PCDHA2: variants seen among roughly 807,000 people sequenced by gnomAD.
PCDHA2 encodes protocadherin alpha 2.
Under a neutral mutation model 66.0 loss-of-function variants are expected in PCDHA2, and 58 were observed. That is an observed-to-expected ratio of 0.88 (90% confidence interval 0.71 to 1.09). The LOEUF is 1.09. PCDHA2 is among the 50% of genes least tolerant of loss of function. The probability of loss-of-function intolerance (pLI) is 0.00; values close to 1 mark genes in which losing one functional copy is unlikely to be tolerated. For missense variants in PCDHA2, 1,267 were observed against 1,242.3 expected (o/e 1.02, Z -0.30); for synonymous variants, 634 against 554.0 (o/e 1.14, Z -2.03).
intron 1 of PCDHA2, chr5:140,875,402 C>A: frequency 6.7e-7 from 1 of 1,488,874 alleles, no homozygotes; most frequent in Admixed American, 2.6e-5. Flanking sequence ...AGGGTGACTG[C>A]TCATAAAATA....
rs1007978772 is a variant in PCDHA2 at position 140,843,987 on chromosome 5, G to C, written c.2388+46635G>C. 1.2e-4 allele frequency among the ~76,000 whole-genome samples: 18 copies of C among 149,540 alleles called. 1 individual carries two copies. Among genetic ancestry groups the C allele is most frequent in the African/African-American group, 4.2e-4 (17 of 40,920 alleles). On this transcript the variant is annotated intron_variant, in intron 1 of 3. Transcript: ENST00000526136. ...ATTTATTTTGGCCTGCCTTACAGCCGTCTTCTCTGAACAATACTCTAAGGA... is the reference window on the plus strand; with the variant it reads ...ATTTATTTTGGCCTGCCTTACAGCCCTCTTCTCTGAACAATACTCTAAGGA...
At chr5:140,892,265 T>A (rs1285445395) in intron 1 of PCDHA2, among the ~76,000 whole-genome samples, 3 of 152,240 alleles carry the variant, frequency 2.0e-5, no homozygotes, top group African/African-American at 7.2e-5. Context: ...GATTTTGTGC[T>A]GAAAGTTGTA....
intron 1 of PCDHA2, among the ~76,000 whole-genome samples, chr5:140,907,480 C>A (rs1300090409): frequency 6.6e-6 from 1 of 152,212 alleles, no homozygotes; most frequent in Admixed American, 6.5e-5. Flanking sequence ...GCAGGATAGG[C>A]AAACCCATAT....
intron 1 of PCDHA2, chr5:140,804,983 G>A: frequency 6.6e-7 from 1 of 1,509,884 alleles, no homozygotes; most frequent in South Asian, 1.3e-5. Flanking sequence ...TCCATCTCAG[G>A]TCAGTATTTT....
chr5:140,967,928 A>G, intron 1 of PCDHA2: 1 of 1,614,200 alleles, frequency 6.2e-7, no homozygotes, highest in South Asian at 1.1e-5. Context: ...GGCCGTTCTC[A>G]GTGTCAATGA....
intron 1 of PCDHA2, among the ~76,000 whole-genome samples, chr5:140,926,207 C>A (rs1259453811): frequency 6.6e-6 from 1 of 152,074 alleles, no homozygotes; most frequent in Non-Finnish European, 1.5e-5. Flanking sequence ...TCGGGGGGCT[C>A]CTGTTTCCTT....
At chr5:140,965,639 C>G (rs781995485) in intron 1 of PCDHA2, among the ~76,000 whole-genome samples, 1 of 152,000 alleles carries the variant, frequency 6.6e-6, no homozygotes, top group Non-Finnish European at 1.5e-5. Flanking sequence ...TTTTAAATTA[C>G]TCTTGAAAGA....
intron 1 of PCDHA2, chr5:140,802,458 T>G (rs782703795): frequency 1.2e-5 from 19 of 1,614,098 alleles, no homozygotes; most frequent in Non-Finnish European, 1.6e-5. Flanking sequence ...CGTGTCGGCC[T>G]ATGAGCTGGT....
Position 140,874,495 on chromosome 5 carries a change from G to A in PCDHA2, c.2388+77143G>A, listed in dbSNP as rs532074473. 2.0e-5 allele frequency among the ~76,000 whole-genome samples: 3 copies of A among 152,336 alleles called. No homozygotes were observed. The South Asian group carries it at 6.2e-4, about 32-fold the overall frequency. ...AGAAAAAGCAAAAGGTTGATATCAAGTTCACATTCTCTTGACTTTAGTCAA... is the reference window on the plus strand; with the variant it reads ...AGAAAAAGCAAAAGGTTGATATCAAATTCACATTCTCTTGACTTTAGTCAA... On this transcript the variant is annotated intron_variant, in intron 1 of 3. Coordinates refer to ENST00000526136, the MANE Select transcript of PCDHA2 (RefSeq NM_018905.3).
At chr5:140,890,530 T>G (rs2062685019) in intron 1 of PCDHA2, among the ~76,000 whole-genome samples, 1 of 152,222 alleles carries the variant, frequency 6.6e-6, no homozygotes. Flanking sequence ...TTGTTGATCT[T>G]CTTTTGAAAT....
At position 140,928,057 on chromosome 5, in the gene PCDHA2, G is replaced by T. The variant is rs150006101; in HGVS notation, c.2389-50892G>T. 1.4e-4 allele frequency: 234 copies of T among 1,614,060 alleles called. No individual in the cohort carries two copies. Among genetic ancestry groups the T allele is most frequent in the Non-Finnish European group, 1.9e-4 (219 of 1,180,052 alleles). On this transcript the variant is annotated intron_variant, in intron 1 of 3. Transcript: ENST00000526136. ...TAGTGCAGGCCCTTTTCAGCTGACG[G>T]CTTCCTTTGACAACTACTACAGCCT...
In PCDHA2 at chr5:140,823,957, G is replaced by A. The variant is rs191497891; in HGVS notation, c.2388+26605G>A. 71 of 1,614,042 alleles carry A rather than the reference G, an allele frequency of 4.4e-5. No individual in the cohort carries two copies. The highest frequency in any genetic ancestry group is 1.6e-4 in the Middle Eastern group (1 of 6,062). On this transcript the variant is annotated intron_variant, in intron 1 of 3. Coordinates refer to ENST00000526136, the MANE Select transcript of PCDHA2 (RefSeq NM_018905.3). ...GCTGCGGTGCTCGGCGCAGCCCACC[G>A]AGGCCGTGTGCACACGGGGCAAGCC...
In PCDHA2 at chr5:140,876,858, G is replaced by A. The variant is rs201724019; in HGVS notation, c.2388+79506G>A. The A allele has an allele frequency of 1.3e-4, 215 of 1,614,152 alleles. No homozygotes were observed. In the East Asian group the frequency reaches 3.0e-3, roughly 22 times the overall value. ...CGTTCGCGCAGCCCGAGTACACAGT[G>A]TTCGTGAAGGAGAACAACCCGCCGG... On this transcript the variant is annotated intron_variant, in intron 1 of 3. Transcript: ENST00000526136.
At chr5:140,835,792 C>G (rs2150244938) in intron 1 of PCDHA2, 3 of 1,613,122 alleles carry the variant, frequency 1.9e-6, no homozygotes, top group Non-Finnish European at 2.5e-6. Flanking sequence ...AACAACCCGC[C>G]GGGCTGCCAC....
chr5:140,862,610 G>A (rs2047447715), intron 1 of PCDHA2: 4 of 520,926 alleles, frequency 7.7e-6, no homozygotes, highest in Non-Finnish European at 1.6e-5. Flanking sequence ...TTCGTGAAAG[G>A]TAACAACCCG....
intron 1 of PCDHA2, among the ~76,000 whole-genome samples, chr5:140,953,598 T>C (rs1189793307): frequency 2.6e-5 from 4 of 152,188 alleles, no homozygotes; most frequent in South Asian, 2.1e-4. Context: ...CTTTTGTTTA[T>C]TCCCCAGAGT....
chr5:140,929,167 T>G (rs781804558), intron 1 of PCDHA2: 2 of 1,614,144 alleles, frequency 1.2e-6, no homozygotes, highest in Non-Finnish European at 1.7e-6. Context: ...CTATCGGGCC[T>G]CTCTGGGACT....
chr5:140,827,015 A>T (rs1554130692), intron 1 of PCDHA2, among the ~76,000 whole-genome samples: 1 of 152,218 alleles, frequency 6.6e-6, no homozygotes, highest in African/African-American at 2.4e-5. Context: ...ATGTCATTAA[A>T]AATATGAATT....
At chr5:140,798,632 T>C (rs781800468) in intron 1 of PCDHA2, among the ~76,000 whole-genome samples, 2 of 152,216 alleles carry the variant, frequency 1.3e-5, no homozygotes, top group Non-Finnish European at 2.9e-5. Flanking sequence ...TTTCCATTAA[T>C]GTGAGCTCAC....
Sources: gnomAD v4.1 joint callset for allele counts (sites outside exome capture counted in the v4.1 genomes callset) on GRCh38, gnomAD v4.1.1 for gene constraint, MANE v1.5 for transcripts, NCBI Gene and HGNC (gene_info 2026-07-23, HGNC 2026-07-21) for gene names.